Variants in CDH13 observed in about 807,000 individuals in gnomAD.
CDH13 encodes the protein cadherin 13.
Under a neutral mutation model 63.8 loss-of-function variants are expected in CDH13, and 24 were observed. The ratio of observed to expected loss-of-function variants is 0.38; its 90% CI spans 0.27 to 0.53. CDH13 has a LOEUF of 0.53. Among genes scored for constraint, CDH13 ranks in the 20% least tolerant of loss-of-function variants. The pLI, the probability that CDH13 is intolerant of heterozygous loss-of-function variation, is 0.85. For synonymous variants in CDH13, 503 were observed against 355.3 expected, an observed-to-expected ratio of 1.42 and a Z score of -4.67; for missense variants, 1,049 against 903.1, an observed-to-expected ratio of 1.16 and a Z score of -2.07.
chr16:83,187,769 C>A (rs866792833), intron 4 of CDH13, among the ~76,000 whole-genome samples: 1 of 152,098 alleles, frequency 6.6e-6, no homozygotes, highest in African/African-American at 2.4e-5. Context: ...GGGAACCTGA[C>A]AAATCAAAAG....
intron 5 of CDH13, among the ~76,000 whole-genome samples, chr16:83,252,264 T>G (rs1476606945): frequency 2.6e-5 from 1 of 37,808 alleles, no homozygotes; most frequent in Non-Finnish European, 6.5e-5. Flanking sequence ...TGCTACATCT[T>G]TTTTTTCTTT....
chr16:82,678,500 C>G (rs1914190614), intron 1 of CDH13, among the ~76,000 whole-genome samples: 3 of 152,062 alleles, frequency 2.0e-5, no homozygotes, highest in African/African-American at 7.2e-5. Flanking sequence ...CTTGTATAAT[C>G]CTAGCTGGTC....
chr16:83,793,365 T>C (rs968783702), intron 13 of CDH13, among the ~76,000 whole-genome samples: 4 of 152,116 alleles, frequency 2.6e-5, no homozygotes, highest in African/African-American at 9.7e-5. Flanking sequence ...CCAGCCAACA[T>C]TGCTGAGTTG....
At chr16:83,571,708 T>C (rs1047045617) in intron 7 of CDH13, among the ~76,000 whole-genome samples, 3 of 152,204 alleles carry the variant, frequency 2.0e-5, no homozygotes, top group Non-Finnish European at 2.9e-5. Context: ...CCCTTTTTCC[T>C]TCTCAACTGT....
chr16:83,328,567 A>C (rs1424716860), intron 5 of CDH13, among the ~76,000 whole-genome samples: 1 of 152,174 alleles, frequency 6.6e-6, no homozygotes, highest in Non-Finnish European at 1.5e-5. Flanking sequence ...CAAGAGCAGA[A>C]AGAGCAACTC....
At chr16:83,108,845 G>C (rs1427974638) in intron 3 of CDH13, among the ~76,000 whole-genome samples, 2 of 152,112 alleles carry the variant, frequency 1.3e-5, no homozygotes, top group Non-Finnish European at 2.9e-5. Context: ...ACTGATGGGA[G>C]CTGGGATATA....
intron 1 of CDH13, among the ~76,000 whole-genome samples, chr16:82,682,336 C>G (rs1444372922): frequency 6.6e-6 from 1 of 152,300 alleles, no homozygotes; most frequent in South Asian, 2.1e-4. Flanking sequence ...TCTGGTTCTT[C>G]TAATGCAGAA....
intron 4 of CDH13, among the ~76,000 whole-genome samples, chr16:83,191,474 T>G (rs1244238782): frequency 1.6e-5 from 2 of 123,384 alleles, no homozygotes; most frequent in African/African-American, 3.1e-5. Context: ...TATATATATA[T>G]ATATATATAT....
chr16:83,039,535 T>C (rs915221796), intron 3 of CDH13, among the ~76,000 whole-genome samples: 5 of 152,268 alleles, frequency 3.3e-5, no homozygotes, highest in African/African-American at 9.6e-5. Context: ...TTTACTTTCT[T>C]GTTCAGGTGT....
chr16:83,551,972 G>A (rs1416902275), intron 7 of CDH13, among the ~76,000 whole-genome samples: 2 of 152,202 alleles, frequency 1.3e-5, no homozygotes, highest in Non-Finnish European at 2.9e-5. Context: ...GGGTTGGTTA[G>A]CGGGTTAATA....
intron 7 of CDH13, among the ~76,000 whole-genome samples, chr16:83,506,755 C>T (rs975165075): frequency 5.9e-5 from 9 of 152,190 alleles, no homozygotes; most frequent in East Asian, 1.9e-4. Context: ...AGCCAAATGC[C>T]GTGTTGTAGG....
intron 1 of CDH13, among the ~76,000 whole-genome samples, chr16:82,716,228 A>G (rs1330351232): frequency 6.6e-6 from 1 of 152,070 alleles, no homozygotes; most frequent in Non-Finnish European, 1.5e-5. Context: ...TCCTGCCTTT[A>G]TGGAAACTGG....
At chr16:82,850,514 A>G (rs2039439797) in intron 1 of CDH13, among the ~76,000 whole-genome samples, 1 of 152,220 alleles carries the variant, frequency 6.6e-6, no homozygotes, top group South Asian at 2.1e-4. Context: ...ACATTGTTGA[A>G]AAGACAATAA....
chr16:82,845,714 T>C (rs2039227732), intron 1 of CDH13, among the ~76,000 whole-genome samples: 2 of 152,174 alleles, frequency 1.3e-5, no homozygotes, highest in Non-Finnish European at 2.9e-5. Context: ...GCTCCTTTGT[T>C]TGACTTAAGG....
chr16:83,597,923 C>T (rs1049981605), intron 7 of CDH13, among the ~76,000 whole-genome samples: 1 of 152,214 alleles, frequency 6.6e-6, no homozygotes, highest in East Asian at 1.9e-4. Context: ...TTATTGCACT[C>T]ATATGTGAAT....
chr16:82,774,893 A>T (rs965200523), intron 1 of CDH13, among the ~76,000 whole-genome samples: 1 of 152,162 alleles, frequency 6.6e-6, no homozygotes, highest in East Asian at 1.9e-4. Flanking sequence ...AGCTCTTCCT[A>T]TAGCTGCAGC....
intron 10 of CDH13, among the ~76,000 whole-genome samples, chr16:83,718,557 G>A (rs1478040138): frequency 2.6e-5 from 4 of 152,064 alleles, no homozygotes; most frequent in Non-Finnish European, 5.9e-5. Flanking sequence ...TCATAACTGA[G>A]GTGTCACCCA....
chr16:83,093,200 C>T (rs1275090738), intron 3 of CDH13, among the ~76,000 whole-genome samples: 1 of 151,042 alleles, frequency 6.6e-6, no homozygotes, highest in African/African-American at 2.4e-5. Context: ...CTGTCTTCTC[C>T]AGCCCTTCTT....
chr16:83,560,844 C>G (rs980437860), intron 7 of CDH13, among the ~76,000 whole-genome samples: 4 of 152,132 alleles, frequency 2.6e-5, no homozygotes, highest in African/African-American at 9.7e-5. Context: ...GGTATGCCCA[C>G]CTCTGGCCCA....
Sources: gnomAD v4.1 joint callset for allele counts (sites outside exome capture counted in the v4.1 genomes callset) on GRCh38, gnomAD v4.1.1 for gene constraint, MANE v1.5 for transcripts, NCBI Gene and HGNC (gene_info 2026-07-23, HGNC 2026-07-21) for gene names.